Variants in FOXP1 observed in about 807,000 individuals in gnomAD.
The protein encoded by FOXP1 is forkhead box protein P1.
Under a neutral mutation model 98.2 loss-of-function variants are expected in FOXP1, and 15 were observed. The observed-to-expected ratio is 0.15, with a 90% confidence interval of 0.10 to 0.24. The LOEUF is 0.24. Ranked by LOEUF, FOXP1 falls within the 10% of genes least tolerant of loss-of-function variation. The probability of loss-of-function intolerance (pLI) is 1.00; values close to 1 mark genes in which losing one functional copy is unlikely to be tolerated. For synonymous variants in FOXP1, 371 were observed against 314.5 expected (o/e 1.18, Z -1.90); for missense variants, 633 against 848.5 (o/e 0.75, Z 3.15).
chr3:71,128,214 T>C (rs1457993795), intron 6 of FOXP1, among the ~76,000 whole-genome samples: 1 of 151,844 alleles, frequency 6.6e-6, no homozygotes, highest in Non-Finnish European at 1.5e-5. Flanking sequence ...CATGTTCCGG[T>C]ATTTAAAGAA....
At chr3:71,298,480 GAAAAAAA>G in intron 5 of FOXP1, among the ~76,000 whole-genome samples, 1 of 86,062 alleles carries the variant, frequency 1.2e-5, no homozygotes, top group South Asian at 3.5e-4. Context: ...GAAAAAAAAA[GAAAAAAA>G]GAAAAAGAAA....
chr3:70,958,208 A>AG lies in FOXP1; in HGVS notation c.*1038_*1039insC. On this transcript the variant is annotated 3_prime_UTR_variant, in exon 21 of 21. Transcript: ENST00000649528. ...TTAATGGTTGCTGCAAAAAAAAAAA[A>AG]AGAAAAGAAAAGAAAAAAAGAAAAT... The AG allele has an allele frequency of 2.2e-6, 1 of 446,290 alleles. No homozygotes were observed. The allele number at this position is 446,290 out of a possible 1,614,324, so 27.6% of individuals were successfully genotyped here. A position where few individuals can be genotyped will look rare whatever the true frequency, so the allele number is the denominator to read the frequency against.
chr3:71,234,517 A>C lies in FOXP1; in HGVS notation c.-11-36125T>G, dbSNP rs78828547. 2.1e-3 allele frequency among the ~76,000 whole-genome samples: 322 copies of C among 152,318 alleles called. 1 individual carries two copies. The highest frequency in any genetic ancestry group is 7.5e-3 in the African/African-American group (311 of 41,568). On this transcript the variant is annotated intron_variant, in intron 5 of 20. Coordinates refer to ENST00000649528, the MANE Select transcript of FOXP1 (RefSeq NM_001349338.3). ...AGGCACAAGTTGCACCGCCTACAGA[A>C]AGTTTCGTCACCCCAAGGACATCCC...
At chr3:71,476,416 T>G (rs1577720950) in intron 3 of FOXP1, among the ~76,000 whole-genome samples, 1 of 62,574 alleles carries the variant, frequency 1.6e-5, no homozygotes, top group Admixed American at 1.3e-4. Context: ...TTCATTCTCT[T>G]TCTTTCTTTC....
At chr3:71,359,057 T>G (rs1280695578) in intron 4 of FOXP1, 93 bp downstream of exon 4, 1 of 152,184 alleles carries the variant, frequency 6.6e-6, no homozygotes, top group Non-Finnish European at 1.5e-5. Flanking sequence ...GCCATTATCT[T>G]CTGCAGGATT....
intron 2 of FOXP1, among the ~76,000 whole-genome samples, chr3:71,544,131 G>A (rs569887847): frequency 7.6e-4 from 115 of 151,514 alleles, no homozygotes; most frequent in Non-Finnish European, 1.1e-3. Flanking sequence ...AATCAGAGCC[G>A]AATACATACA....
chr3:71,430,878 G>A (rs2084649074), intron 3 of FOXP1, among the ~76,000 whole-genome samples: 1 of 152,156 alleles, frequency 6.6e-6, no homozygotes, highest in African/African-American at 2.4e-5. Context: ...ACAGGGGAAG[G>A]CCTTACAGGT....
chr3:71,374,388 G>A (rs374918785), intron 3 of FOXP1, among the ~76,000 whole-genome samples: 19 of 152,276 alleles, frequency 1.2e-4, no homozygotes, highest in African/African-American at 4.6e-4. Context: ...GAGGTCAGGA[G>A]TTTGAGGCCA....
At chr3:71,159,993 T>G (rs185155996) in intron 6 of FOXP1, among the ~76,000 whole-genome samples, 1 of 152,192 alleles carries the variant, frequency 6.6e-6, no homozygotes, top group East Asian at 1.9e-4. Flanking sequence ...AAATTCAAGC[T>G]GAACACAAGG....
At chr3:71,181,689 C>T (rs571063585) in intron 6 of FOXP1, among the ~76,000 whole-genome samples, 23 of 152,232 alleles carry the variant, frequency 1.5e-4, no homozygotes, top group African/African-American at 5.5e-4. Flanking sequence ...ATTAAGCCCA[C>T]ACAGACTGGG....
intron 2 of FOXP1, among the ~76,000 whole-genome samples, chr3:71,498,758 AG>A (rs899396658): frequency 1.3e-5 from 2 of 152,124 alleles, no homozygotes; most frequent in African/African-American, 4.8e-5. Flanking sequence ...CAGGATCTCC[AG>A]GGGGGTTTGT....
chr3:71,277,993 A>G (rs1452777900), intron 5 of FOXP1, among the ~76,000 whole-genome samples: 2 of 152,112 alleles, frequency 1.3e-5, no homozygotes, highest in Admixed American at 6.5e-5. Context: ...TGATCAAAGC[A>G]TGAGAAAATG....
intron 4 of FOXP1, among the ~76,000 whole-genome samples, chr3:71,342,950 T>C (rs1030731528): frequency 6.6e-6 from 1 of 152,234 alleles, no homozygotes; most frequent in African/African-American, 2.4e-5. Context: ...CTAGGCAATT[T>C]AATAATAGGC....
At position 71,261,860 on chromosome 3, in the gene FOXP1, T is replaced by G. The variant is rs150951887; in HGVS notation, c.-12+37960A>C. Among the ~76,000 whole-genome samples the G allele has an allele frequency of 5.5e-4, 83 of 152,284 alleles. 1 individual carries two copies. Among genetic ancestry groups the G allele is most frequent in the African/African-American group, 1.9e-3 (80 of 41,568 alleles). On this transcript the variant is annotated intron_variant, in intron 5 of 20. Transcript: ENST00000649528. ...CTATGGAATAGTCGACATTTTCCAA[T>G]AAGAGGGTACACAAGTTACTTGGAA... is the stretch of plus-strand genomic sequence containing the variant.
rs1332628597 is a variant in FOXP1 at position 70,957,938 on chromosome 3, C to T, written c.*1309G>A. ...GTAGGTCTGAACTAATGTATAAACT[C>T]AGCGCCGCCGCCGCCACCCCTACTT... On this transcript the variant is annotated 3_prime_UTR_variant, in exon 21 of 21. Transcript: ENST00000649528. 4.1e-6 allele frequency: 1 copy of T among 244,870 alleles called. No homozygotes were observed. Among genetic ancestry groups the T allele is most frequent in the East Asian group, 5.9e-5 (1 of 17,054 alleles). The allele number at this position is 244,870 out of a possible 1,614,324, so 15.2% of individuals were successfully genotyped here. A position where few individuals can be genotyped will look rare whatever the true frequency, so the allele number is the denominator to read the frequency against.
intron 6 of FOXP1, among the ~76,000 whole-genome samples, chr3:71,181,789 T>A (rs1255519735): frequency 6.6e-6 from 1 of 151,942 alleles, no homozygotes; most frequent in Non-Finnish European, 1.5e-5. Context: ...TCCCAACACT[T>A]TGAGAGGCTG....
At chr3:71,468,767 CA>C (rs1229309626) in intron 3 of FOXP1, among the ~76,000 whole-genome samples, 2 of 152,188 alleles carry the variant, frequency 1.3e-5, no homozygotes, top group Admixed American at 6.5e-5. Flanking sequence ...CTCATTAATA[CA>C]TCCTGAATCA....
intron 1 of FOXP1, chr3:71,582,304 G>T (rs1322294379): frequency 1.1e-5 from 11 of 974,778 alleles, no homozygotes; most frequent in South Asian, 4.7e-5. Context: ...GCGGGAGGCG[G>T]GGGCGAGGGA....
intron 12 of FOXP1, among the ~76,000 whole-genome samples, chr3:71,010,476 C>A (rs1024525290): frequency 6.6e-6 from 1 of 152,066 alleles, no homozygotes; most frequent in Non-Finnish European, 1.5e-5. Flanking sequence ...TGAAGCATTT[C>A]GGGACTATGC....
Sources: allele counts gnomAD v4.1 joint callset (sites outside exome capture counted in the v4.1 genomes callset), GRCh38; gene constraint gnomAD v4.1.1; transcripts MANE v1.5; gene names NCBI Gene and HGNC (gene_info 2026-07-23, HGNC 2026-07-21).